The following ANKIB1 variants were observed in gnomAD, a reference collection of about 807,000 sequenced individuals.
ANKIB1 encodes ankyrin repeat and IBR domain-containing protein 1.
Under a neutral mutation model 122.1 loss-of-function variants are expected in ANKIB1, and 43 were observed. The ratio of observed to expected loss-of-function variants is 0.35; its 90% CI spans 0.28 to 0.45. ANKIB1 has a LOEUF of 0.45. ANKIB1 is among the 20% of genes least tolerant of loss of function. The pLI, the probability that ANKIB1 is intolerant of heterozygous loss-of-function variation, is 1.00. For missense variants in ANKIB1, 992 were observed against 1,329.5 expected, an observed-to-expected ratio of 0.75 and a Z score of 3.95; for synonymous variants, 390 against 442.0, an observed-to-expected ratio of 0.88 and a Z score of 1.48.
chr7:92,309,942 A>AAAAAAAAAAAAATATAT (rs1335765681), intron 3 of ANKIB1, among the ~76,000 whole-genome samples: 8 of 91,816 alleles, frequency 8.7e-5, no homozygotes, highest in East Asian at 4.6e-4. Flanking sequence ...AAAAAAAAAA[A>AAAAAAAAAAAAATATAT]ATATATATAT....
intron 14 of ANKIB1, among the ~76,000 whole-genome samples, chr7:92,388,628 A>G (rs1399361177): frequency 6.6e-6 from 1 of 152,234 alleles, no homozygotes; most frequent in African/African-American, 2.4e-5. Flanking sequence ...ATAATAACCC[A>G]CAACGACCAC....
intron 9 of ANKIB1, among the ~76,000 whole-genome samples, chr7:92,356,436 TAAA>T (rs1209322396): frequency 2.0e-5 from 3 of 152,186 alleles, no homozygotes; most frequent in Non-Finnish European, 4.4e-5. Flanking sequence ...GGCCCAGAAA[TAAA>T]AACATGATAC....
At chr7:92,363,789 C>T (rs948449892) in intron 10 of ANKIB1, among the ~76,000 whole-genome samples, 1 of 151,978 alleles carries the variant, frequency 6.6e-6, no homozygotes, top group Admixed American at 6.6e-5. Flanking sequence ...TTTAGATCTA[C>T]GAGGGTCATT....
rs193107878 is a variant in ANKIB1, at chr7:92,375,699, A to G, written c.1617+4092A>G. ...TTTTTCCAAACTCCTGTTCATGTTG[A>G]TATTTTTACTTCCTCCCATGAATCA... On this transcript the variant is annotated intron_variant, in intron 11 of 19. Transcript: ENST00000265742. 2.0e-4 allele frequency among the ~76,000 whole-genome samples: 31 copies of G among 152,254 alleles called. 1 individual carries two copies.
intron 14 of ANKIB1, among the ~76,000 whole-genome samples, chr7:92,389,135 G>C (rs1009051877): frequency 6.6e-6 from 1 of 151,318 alleles, no homozygotes; most frequent in African/African-American, 2.4e-5. Flanking sequence ...ATAAATTAGG[G>C]GAAAAAAACA....
At chr7:92,349,041 A>G (rs1803602480) in intron 7 of ANKIB1, among the ~76,000 whole-genome samples, 1 of 152,202 alleles carries the variant, frequency 6.6e-6, no homozygotes, top group Non-Finnish European at 1.5e-5. Context: ...TTGATGTGAA[A>G]GAAAAAGAAA....
At chr7:92,309,962 T>TATATATATATATAA (rs1030276754) in intron 3 of ANKIB1, among the ~76,000 whole-genome samples, 50 of 139,386 alleles carry the variant, frequency 3.6e-4, no homozygotes, top group African/African-American at 1.3e-3. Context: ...TATATATATA[T>TATATATATATATAA]AAATTAAATG....
intron 3 of ANKIB1, among the ~76,000 whole-genome samples, chr7:92,312,827 A>G (rs1802718293): frequency 6.6e-6 from 1 of 152,218 alleles, no homozygotes; most frequent in Non-Finnish European, 1.5e-5. Context: ...ATAAAGCTCC[A>G]TTAAAACATA....
chr7:92,393,316 T>C (rs1804825094), intron 17 of ANKIB1, among the ~76,000 whole-genome samples: 1 of 152,070 alleles, frequency 6.6e-6, no homozygotes, highest in Non-Finnish European at 1.5e-5. Context: ...GATCTGGACA[T>C]TTTAAATTCA....
rs773139099 is a variant in ANKIB1 at position 92,398,857 on chromosome 7, A to G, written c.3178A>G (p.Asn1060Asp). The G allele has an allele frequency of 1.9e-6, 3 of 1,605,226 alleles. No individual in the cohort carries two copies. The highest frequency in any genetic ancestry group is 1.7e-6 in the Non-Finnish European group (2 of 1,175,690). ...AGCATCTCAAGCTGGTGACAGTGGT[A>G]ACGAGGCAGCCAACAGAGGAGATGG... is the stretch of plus-strand genomic sequence containing the variant. The part of the protein sequence containing the change: ...EAASQAGDSG[N>D]EAANRGDGSD... Residue 1060 changes from asparagine to aspartate, a missense_variant, in exon 20 of 20, where the codon AAC becomes GAC. By Grantham distance (23) the Asn-to-Asp change is conservative. This residue lies in a region of ANKIB1 where 384 missense variants were observed against 412.0 expected (regional missense o/e 0.93). Coordinates refer to ENST00000265742, the MANE Select transcript of ANKIB1 (RefSeq NM_019004.2).
rs1168934141 is a variant in ANKIB1 at position 92,306,729 on chromosome 7, A to G, written c.189-630A>G. 2.6e-5 allele frequency among the ~76,000 whole-genome samples: 4 copies of G among 152,162 alleles called. No individual in the cohort carries two copies. In the East Asian group the frequency reaches 5.8e-4, roughly 22 times the overall value. ...AATAAGTGTTTCTTGTTTATAAACC[A>G]TTCAGTTTATGATATTTTTATAATA... On this transcript the variant is annotated intron_variant, in intron 2 of 19. Coordinates refer to ENST00000265742, the MANE Select transcript of ANKIB1 (RefSeq NM_019004.2).
chr7:92,353,323 A>G (rs1276777704), intron 9 of ANKIB1, among the ~76,000 whole-genome samples: 2 of 152,228 alleles, frequency 1.3e-5, no homozygotes, highest in Admixed American at 1.3e-4. Context: ...AATAAGTACA[A>G]ACTGATGATA....
chr7:92,356,810 G>A lies in ANKIB1; in HGVS notation c.1397+4168G>A, dbSNP rs569160539. Among the ~76,000 whole-genome samples the A allele has an allele frequency of 7.3e-4, 111 of 152,290 alleles. 1 individual carries two copies. Among genetic ancestry groups the A allele is most frequent in the African/African-American group, 2.5e-3 (102 of 41,566 alleles). On this transcript the variant is annotated intron_variant, in intron 9 of 19. Transcript: ENST00000265742. ...TTGATAGGTTACTGAACCTCTCTGT[G>A]CATGTAAAATGGGGATAAATAGTAC...
intron 1 of ANKIB1, among the ~76,000 whole-genome samples, chr7:92,263,634 GT>G (rs1413667585): frequency 2.0e-5 from 3 of 152,064 alleles, no homozygotes; most frequent in Non-Finnish European, 4.4e-5. Flanking sequence ...CCTCTCTCAA[GT>G]TTCATACTTT....
chr7:92,361,102 G>A (rs1408838553), intron 9 of ANKIB1, among the ~76,000 whole-genome samples: 1 of 152,106 alleles, frequency 6.6e-6, no homozygotes, highest in African/African-American at 2.4e-5. Context: ...AGATTGGGTT[G>A]TTCCCTCCTC....
intron 4 of ANKIB1, among the ~76,000 whole-genome samples, chr7:92,321,552 G>A (rs959019869): frequency 1.3e-5 from 2 of 152,104 alleles, no homozygotes; most frequent in African/African-American, 2.4e-5. Context: ...GCACAAAACA[G>A]GCATCCATAG....
chr7:92,338,164 A>T (rs1226843089), intron 5 of ANKIB1, among the ~76,000 whole-genome samples: 1 of 152,022 alleles, frequency 6.6e-6, no homozygotes, highest in Non-Finnish European at 1.5e-5. Flanking sequence ...TAATTTTAGC[A>T]CTTGGGGAGC....
intron 1 of ANKIB1, among the ~76,000 whole-genome samples, chr7:92,286,538 G>C (rs991505261): frequency 1.3e-5 from 2 of 149,940 alleles, no homozygotes; most frequent in Non-Finnish European, 3.0e-5. Flanking sequence ...GGAGTGCAGT[G>C]GCACGGTCGC....
At chr7:92,387,698 A>G in intron 12 of ANKIB1, 100 bp from the exon 13 acceptor site, 1 of 764,000 alleles carries the variant, frequency 1.3e-6, no homozygotes, top group Non-Finnish European at 2.1e-6. Flanking sequence ...TGAATGCACT[A>G]CTACCTATCA....
Sources: allele counts gnomAD v4.1 joint callset (sites outside exome capture counted in the v4.1 genomes callset), GRCh38; gene constraint gnomAD v4.1.1; regional missense constraint gnomAD v4.1.1; transcripts MANE v1.5; gene names NCBI Gene and HGNC (gene_info 2026-07-23, HGNC 2026-07-21).